WWTR1: variants seen among roughly 807,000 people sequenced by gnomAD.
WWTR1 encodes WW domain containing transcription regulator 1.
In WWTR1, 13 loss-of-function variants were observed where a neutral mutation model predicts 40.1. The ratio of observed to expected loss-of-function variants is 0.32; its 90% CI spans 0.21 to 0.52. The LOEUF is 0.52. Ranked by LOEUF, WWTR1 falls within the 20% of genes least tolerant of loss-of-function variation. The probability of loss-of-function intolerance (pLI) is 0.97; values close to 1 mark genes in which losing one functional copy is unlikely to be tolerated. For synonymous variants in WWTR1, 230 were observed against 210.1 expected, an observed-to-expected ratio of 1.09 and a Z score of -0.82; for missense variants, 436 against 523.1, an observed-to-expected ratio of 0.83 and a Z score of 1.63.
In WWTR1 at chr3:149,518,092, T is replaced by C. The variant is rs1734873218; in HGVS notation, c.*2713A>G. On this transcript the variant is annotated 3_prime_UTR_variant, in exon 7 of 7. Transcript: ENST00000360632. ...TGCTCTAACTTTAGATTTCTAACTT[T>C]AGTGTTCTTTAACAAAGGCCATATT... 1 of 152,204 alleles carries C rather than the reference T, an allele frequency of 6.6e-6. No individual in the cohort carries two copies. The highest frequency in any genetic ancestry group is 1.5e-5 in the Non-Finnish European group (1 of 68,022). The allele number at this position is 152,204 out of a possible 1,614,324, so 9.4% of individuals were successfully genotyped here. A position where few individuals can be genotyped will look rare whatever the true frequency, so the allele number is the denominator to read the frequency against.
chr3:149,556,636 CT>C (rs1201683687), intron 3 of WWTR1, among the ~76,000 whole-genome samples: 4 of 152,056 alleles, frequency 2.6e-5, no homozygotes, highest in Non-Finnish European at 5.9e-5. Flanking sequence ...GGATCAATGC[CT>C]CTCGGTTTGT....
chr3:149,598,897 AT>A (rs149954763), intron 2 of WWTR1, among the ~76,000 whole-genome samples: 4 of 151,952 alleles, frequency 2.6e-5, no homozygotes, highest in South Asian at 2.1e-4. Flanking sequence ...TCATTTGCTT[AT>A]TTTTTTTAGA....
intron 3 of WWTR1, among the ~76,000 whole-genome samples, chr3:149,563,763 T>G (rs1213896140): frequency 6.6e-6 from 1 of 152,202 alleles, no homozygotes; most frequent in Non-Finnish European, 1.5e-5. Flanking sequence ...TTGTTTTGCT[T>G]TGCTTTGAGG....
At chr3:149,691,147 C>T (rs150067504) in intron 1 of WWTR1, among the ~76,000 whole-genome samples, 4,132 of 151,448 alleles carry the variant, frequency 0.027, 128 homozygotes, top group East Asian at 0.13. Context: ...CATACCAAAA[C>T]CTATGGGATA....
chr3:149,582,197 G>A (rs1313544727), intron 2 of WWTR1, among the ~76,000 whole-genome samples: 2 of 151,796 alleles, frequency 1.3e-5, no homozygotes, highest in African/African-American at 4.8e-5. Flanking sequence ...AACAGCACCC[G>A]GCCCTGGCAA....
chr3:149,556,503 C>A (rs1020404009), intron 3 of WWTR1, among the ~76,000 whole-genome samples: 1 of 152,116 alleles, frequency 6.6e-6, no homozygotes, highest in Non-Finnish European at 1.5e-5. Flanking sequence ...TGCTTGAACC[C>A]GGAAGGTGGA....
At chr3:149,585,121 C>CGCGTGTGTGTGTGTGT (rs1553795600) in intron 2 of WWTR1, among the ~76,000 whole-genome samples, 1 of 144,314 alleles carries the variant, frequency 6.9e-6, no homozygotes, top group African/African-American at 2.6e-5. Flanking sequence ...TGATTTCTTT[C>CGCGTGTGTGTGTGTGT]GTGTGTGTGT....
upstream of WWTR1, chr3:149,661,054 T>TTCCCA (rs1713549950): frequency 6.6e-6 from 1 of 152,230 alleles, no homozygotes; most frequent in South Asian, 2.1e-4. Context: ...TTCCCTGCCT[T>TTCCCA]TCCCATCCCA....
In WWTR1 at chr3:149,543,118, C is replaced by T. The variant is rs114268714; in HGVS notation, c.569-581G>A. ...ATGAGCTAAACTCAGGAACAAATAT[C>T]TGACTGAGAAAAAAATGTTTGTTTC... is the stretch of plus-strand genomic sequence containing the variant. On this transcript the variant is annotated intron_variant, in intron 3 of 6. Transcript: ENST00000360632. Among the ~76,000 whole-genome samples, 969 of 152,224 alleles carry T rather than the reference C, an allele frequency of 6.4e-3. 15 individuals carry two copies. The highest frequency in any genetic ancestry group is 0.022 in the African/African-American group (921 of 41,514).
At chr3:149,682,040 G>A (rs753003874) in intron 1 of WWTR1, among the ~76,000 whole-genome samples, 4 of 151,648 alleles carry the variant, frequency 2.6e-5, no homozygotes, top group Admixed American at 6.6e-5. Context: ...CATGTTAAAT[G>A]TTCTTACTAC....
intron 3 of WWTR1, among the ~76,000 whole-genome samples, chr3:149,558,286 T>TA (rs958759387): frequency 2.5e-3 from 376 of 148,010 alleles, no homozygotes; most frequent in African/African-American, 8.1e-3. Flanking sequence ...GTAAATAAAT[T>TA]AAAAAAAAAA....
At position 149,722,928 on chromosome 3, in the gene WWTR1, T is replaced by G. The variant is rs145905115; in HGVS notation, n.459+1152A>C. On this transcript the variant is annotated intron_variant and non_coding_transcript_variant, in intron 4 of 6. Transcript: ENST00000474080. The stretch of plus-strand genomic sequence containing the variant: ...TTCTTCACATATTGTTTTATTGACT[T>G]TCACCACATCCTCCTTTAGTTCTTT... Among the ~76,000 whole-genome samples, 452 of 152,220 alleles carry G rather than the reference T, an allele frequency of 3.0e-3. 4 individuals carry two copies. The highest frequency in any genetic ancestry group is 4.4e-3 in the Non-Finnish European group (301 of 67,998).
chr3:149,693,036 C>A (rs1714873724), intron 1 of WWTR1, among the ~76,000 whole-genome samples: 1 of 152,086 alleles, frequency 6.6e-6, no homozygotes, highest in African/African-American at 2.4e-5. Context: ...AAGAAGAAGT[C>A]AAATTATCCT....
At chr3:149,702,836 T>G (rs1254415028) in intron 1 of WWTR1, 1 of 152,220 alleles carries the variant, frequency 6.6e-6, no homozygotes, top group Non-Finnish European at 1.5e-5. Context: ...GCAAGGCTGT[T>G]GATTCTGTTT....
intron 4 of WWTR1, among the ~76,000 whole-genome samples, chr3:149,530,489 A>T (rs570753639): frequency 6.6e-6 from 1 of 152,100 alleles, no homozygotes; most frequent in South Asian, 2.1e-4. Flanking sequence ...CTGTAATAAT[A>T]TATAAAATTA....
chr3:149,531,419 T>C (rs977102379), intron 4 of WWTR1, among the ~76,000 whole-genome samples: 2 of 152,126 alleles, frequency 1.3e-5, no homozygotes, highest in African/African-American at 4.8e-5. Context: ...TCCACCTGGA[T>C]GGTAAATAGA....
intron 2 of WWTR1, among the ~76,000 whole-genome samples, chr3:149,645,567 C>A (rs1183721495): frequency 2.0e-5 from 3 of 152,112 alleles, no homozygotes; most frequent in Admixed American, 2.0e-4. Context: ...AAACAAACCC[C>A]AAAATAAATG....
rs552984137 is a variant in WWTR1 at position 149,601,395 on chromosome 3, A to G, written c.432-28395T>C. Among the ~76,000 whole-genome samples, 9 of 152,220 alleles carry G rather than the reference A, an allele frequency of 5.9e-5. No homozygotes were observed. In the South Asian group the frequency reaches 1.9e-3, roughly 32 times the overall value. On this transcript the variant is annotated intron_variant, in intron 2 of 6. Coordinates refer to ENST00000360632, the MANE Select transcript of WWTR1 (RefSeq NM_015472.6). ...GTATTTTTAGTAAAGAGGGGGCTTC[A>G]CTGTGTTGGCCAGGCTGGTCTGGAA... is the stretch of plus-strand genomic sequence containing the variant.
intron 1 of WWTR1, among the ~76,000 whole-genome samples, chr3:149,695,623 T>C (rs1714959176): frequency 6.6e-6 from 1 of 151,238 alleles, no homozygotes; most frequent in Non-Finnish European, 1.5e-5. Flanking sequence ...TCTCTGGGCA[T>C]GATGGCAGGC....
Sources: allele counts gnomAD v4.1 joint callset (sites outside exome capture counted in the v4.1 genomes callset), GRCh38; gene constraint gnomAD v4.1.1; transcripts MANE v1.5; gene names NCBI Gene and HGNC (gene_info 2026-07-23, HGNC 2026-07-21).